Variants in CDH3 observed in about 807,000 individuals in gnomAD.
CDH3 encodes the protein cadherin 3, also known as cadherin-3.
CDH3 carries 54 observed loss-of-function variants against 82.0 expected under a neutral mutation model. That is an observed-to-expected ratio of 0.66 (90% CI 0.53 to 0.83). The LOEUF (loss-of-function observed/expected upper bound fraction) is 0.83, where lower values mean the gene tolerates loss of function less well. Among genes scored for constraint, CDH3 ranks in the 40% least tolerant of loss-of-function variants. The probability of loss-of-function intolerance (pLI) is 0.00; values close to 1 mark genes in which losing one functional copy is unlikely to be tolerated. For synonymous variants in CDH3, 446 were observed against 437.9 expected, an observed-to-expected ratio of 1.02 and a Z score of -0.23; for missense variants, 1,054 against 1,084.6, an observed-to-expected ratio of 0.97 and a Z score of 0.40.
chr16:68,691,717 C>T lies in CDH3; in HGVS notation c.1796-3C>T. The T allele has an allele frequency of 3.1e-6, 5 of 1,611,950 alleles. No individual in the cohort carries two copies. Among genetic ancestry groups the T allele is most frequent in the Non-Finnish European group, 4.2e-6 (5 of 1,178,068 alleles). On this transcript the variant is annotated splice_polypyrimidine_tract_variant and splice_region_variant and intron_variant, in intron 12 of 15. Coordinates refer to ENST00000264012, the MANE Select transcript of CDH3 (RefSeq NM_001793.6). ...CAGCTAATCAATGATCTGTTCACTC[C>T]AGGTGACACAGTGGTCTTGTCCCTG... is the stretch of plus-strand genomic sequence containing the variant.
At chr16:68,689,544 TAAAAA>T (rs1195113606) in intron 12 of CDH3, among the ~76,000 whole-genome samples, 2 of 91,160 alleles carry the variant, frequency 2.2e-5, no homozygotes, top group Non-Finnish European at 5.1e-5. Context: ...TCAGAAAAAT[TAAAAA>T]AAAAAAAGAA....
intron 12 of CDH3, 63 bp from the exon 13 acceptor site, chr16:68,691,657 A>G (rs1961576513): frequency 2.3e-6 from 3 of 1,288,524 alleles, no homozygotes; most frequent in African/African-American, 1.5e-5. Flanking sequence ...AACTTTCTTC[A>G]TGGTGTACTC....
At chr16:68,653,339 C>T (rs1455698002) in intron 2 of CDH3, among the ~76,000 whole-genome samples, 1 of 152,014 alleles carries the variant, frequency 6.6e-6, no homozygotes, top group Admixed American at 6.6e-5. Context: ...CAGGTTCAAG[C>T]GATTCTCCTG....
At chr16:68,650,221 G>A (rs546201338) in intron 2 of CDH3, among the ~76,000 whole-genome samples, 2 of 152,190 alleles carry the variant, frequency 1.3e-5, no homozygotes, top group African/African-American at 2.4e-5. Flanking sequence ...TTTTAGCATC[G>A]TGGTCAGGTC....
chr16:68,693,126 AAGT>A (rs1961620077), intron 13 of CDH3, among the ~76,000 whole-genome samples: 1 of 152,138 alleles, frequency 6.6e-6, no homozygotes, highest in African/African-American at 2.4e-5. Flanking sequence ...ACAAAAAAGA[AAGT>A]AGGAAATTAG....
chr16:68,708,325 C>CAA (rs774076982), intron 1 of CDH3, among the ~76,000 whole-genome samples: 1 of 123,298 alleles, frequency 8.1e-6, no homozygotes, highest in Admixed American at 8.3e-5. Flanking sequence ...AATTCCATCT[C>CAA]AAAAAAAAAA....
intron 2 of CDH3, among the ~76,000 whole-genome samples, chr16:68,675,881 G>C (rs7194089): frequency 0.44 from 67,386 of 151,988 alleles, 15,277 homozygotes; most frequent in East Asian, 0.62. Flanking sequence ...CCTCCAGCTG[G>C]TGAATGGTGG....
At chr16:68,664,292 A>G (rs1960678691) in intron 2 of CDH3, among the ~76,000 whole-genome samples, 1 of 152,214 alleles carries the variant, frequency 6.6e-6, no homozygotes, top group African/African-American at 2.4e-5. Context: ...GAGATACTGA[A>G]TAGACAGATA....
intron 1 of CDH3, among the ~76,000 whole-genome samples, chr16:68,716,779 C>T (rs1402628749): frequency 6.6e-6 from 1 of 151,932 alleles, no homozygotes; most frequent in African/African-American, 2.4e-5. Context: ...GCTGGAGTGC[C>T]TTGGCGTGAC....
At chr16:68,683,486 C>T (rs1421106444) in intron 9 of CDH3, among the ~76,000 whole-genome samples, 3 of 151,276 alleles carry the variant, frequency 2.0e-5, no homozygotes, top group Non-Finnish European at 4.4e-5. Flanking sequence ...CCCGTCTCTA[C>T]TAAAAATACA....
chr16:68,686,685 G>A (rs4783666), intron 11 of CDH3: 452,777 of 776,280 alleles, frequency 0.58, 133,352 homozygotes, highest in Non-Finnish European at 0.61. Flanking sequence ...TACGTAGACT[G>A]AAATAAGTCA....
chr16:68,731,559 G>T (rs1245872212), downstream of CDH3, among the ~76,000 whole-genome samples: 1 of 146,886 alleles, frequency 6.8e-6, no homozygotes, highest in Non-Finnish European at 1.5e-5. Flanking sequence ...TATACAATTT[G>T]GGCGTGATGG....
Position 68,681,086 on chromosome 16 carries a change from A to G in CDH3, c.986A>G (p.Asp329Gly), listed in dbSNP as rs780158916. 1.2e-6 allele frequency: 2 copies of G among 1,613,758 alleles called. No homozygotes were observed. Among genetic ancestry groups the G allele is most frequent in the Admixed American group, 3.3e-5 (2 of 59,982 alleles). ...LDANDNAPMF[D>G]PQKYEAHVPE... ...GCCAATGACAATGCTCCCATGTTTG[A>G]CCCCCAGAAGGTAATGCCCCTTCCT... The change falls in exon 8 of 16, where the codon GAC (aspartate) becomes GGC (glycine). Residue 329 changes from aspartate to glycine, a missense_variant. Asp to Gly is a moderately conservative substitution (Grantham distance 94). Coordinates refer to ENST00000264012, the MANE Select transcript of CDH3 (RefSeq NM_001793.6).
intron 2 of CDH3, among the ~76,000 whole-genome samples, chr16:68,652,476 G>A (rs1158368253): frequency 2.0e-5 from 3 of 152,158 alleles, no homozygotes; most frequent in Non-Finnish European, 4.4e-5. Context: ...CAAAGCATTT[G>A]GAGGATGATG....
chr16:68,709,389 A>G (rs1962000852), intron 1 of CDH3, among the ~76,000 whole-genome samples: 1 of 152,010 alleles, frequency 6.6e-6, no homozygotes, highest in South Asian at 2.1e-4. Flanking sequence ...ACTCTTGTCA[A>G]TTAGAGTGCT....
chr16:68,725,029 G>A (rs549952918), intron 2 of CDH3, among the ~76,000 whole-genome samples: 12 of 152,216 alleles, frequency 7.9e-5, no homozygotes, highest in Admixed American at 2.6e-4. Context: ...GCTTGGAAGC[G>A]GGGGACAGGA....
chr16:68,717,414 C>T (rs1371748476), intron 1 of CDH3, among the ~76,000 whole-genome samples: 1 of 152,138 alleles, frequency 6.6e-6, no homozygotes, highest in Non-Finnish European at 1.5e-5. Flanking sequence ...TGTTTGTCCC[C>T]AACCAAACTC....
In CDH3 at chr16:68,698,750, C is replaced by T. The variant is rs1431461747; in HGVS notation, c.*350C>T. On this transcript the variant is annotated 3_prime_UTR_variant, in exon 16 of 16. Transcript: ENST00000264012. Reference sequence around the variant, plus strand: ...GTGGACTTTCTCTCTGGAATGGAACCTTCTTAGGCCTCCTGGTGCAACTTA... The same window carrying T: ...GTGGACTTTCTCTCTGGAATGGAACTTTCTTAGGCCTCCTGGTGCAACTTA... 7.7e-6 allele frequency: 2 copies of T among 259,970 alleles called. No individual in the cohort carries two copies. The highest frequency in any genetic ancestry group is 4.5e-5 in the African/African-American group (2 of 44,854). The allele number at this position is 259,970 out of a possible 1,614,324, so 16.1% of individuals were successfully genotyped here. A position where few individuals can be genotyped will look rare whatever the true frequency, so the allele number is the denominator to read the frequency against.
At chr16:68,717,784 A>G (rs963945879) in intron 1 of CDH3, among the ~76,000 whole-genome samples, 1 of 151,794 alleles carries the variant, frequency 6.6e-6, no homozygotes, top group Non-Finnish European at 1.5e-5. Flanking sequence ...AAGAAAAAAA[A>G]AAAAAAGAAA....
Sources: allele counts gnomAD v4.1 joint callset (sites outside exome capture counted in the v4.1 genomes callset), GRCh38; gene constraint gnomAD v4.1.1; transcripts MANE v1.5; gene names NCBI Gene and HGNC (gene_info 2026-07-23, HGNC 2026-07-21).